Variants in HIVEP3 observed in about 807,000 individuals in gnomAD.
The protein encoded by HIVEP3 is HIVEP zinc finger 3.
Under a neutral mutation model 152.8 loss-of-function variants are expected in HIVEP3, and 49 were observed. The ratio of observed to expected loss-of-function variants is 0.32; its 90% CI spans 0.26 to 0.41. The LOEUF is 0.41. Ranked by LOEUF, HIVEP3 falls within the 10% of genes least tolerant of loss-of-function variation. The pLI, the probability that HIVEP3 is intolerant of heterozygous loss-of-function variation, is 1.00. For missense variants in HIVEP3, 2,790 were observed against 3,103.3 expected (o/e 0.90, Z 2.40); for synonymous variants, 1,269 against 1,289.0 (o/e 0.98, Z 0.33).
chr1:41,518,868 G>A (rs1314824993), intron 6 of HIVEP3, among the ~76,000 whole-genome samples: 2 of 148,552 alleles, frequency 1.3e-5, no homozygotes, highest in African/African-American at 2.5e-5. Flanking sequence ...AGTAGCTGGT[G>A]ACACTCATCA....
rs907140195 is a variant in HIVEP3, at chr1:41,580,389, A to G, written c.4409T>C (p.Val1470Ala). The change falls in exon 4 of 9, where the codon GTG (valine) becomes GCG (alanine). Residue 1470 changes from valine (V) to alanine (A), a missense_variant. Physicochemically the swap from Val to Ala is moderately conservative, Grantham distance 64. Transcript: ENST00000372583. ...CCCATCCTCGGTGCTGGTAAGGACCACACTGCATGGTTTTACCAGCTCAAG... is the reference window on the plus strand; with the variant it reads ...CCCATCCTCGGTGCTGGTAAGGACCGCACTGCATGGTTTTACCAGCTCAAG... ...EKLELVKPCS[V>A]VLTSTEDGKR... 6 of 1,614,068 alleles carry G rather than the reference A, an allele frequency of 3.7e-6. No homozygotes were observed. In the African/African-American group the frequency reaches 8.0e-5, roughly 22 times the overall value.
chr1:41,702,392 C>T (rs556897381), intron 1 of HIVEP3, among the ~76,000 whole-genome samples: 1 of 152,132 alleles, frequency 6.6e-6, no homozygotes, highest in Non-Finnish European at 1.5e-5. Context: ...TTATTTGTAT[C>T]CACATTTTCT....
intron 1 of HIVEP3, among the ~76,000 whole-genome samples, chr1:41,774,004 C>T (rs1211709719): frequency 6.6e-6 from 1 of 152,228 alleles, no homozygotes; most frequent in Non-Finnish European, 1.5e-5. Context: ...TGCCCATTGT[C>T]ATGTGACCTG....
At chr1:41,870,982 G>A (rs1275959761) in intron 1 of HIVEP3, among the ~76,000 whole-genome samples, 2 of 152,304 alleles carry the variant, frequency 1.3e-5, no homozygotes, top group East Asian at 3.9e-4. Context: ...ATTACGACAC[G>A]TGAACTGCTT....
chr1:41,755,851 T>G (rs1558241694), intron 1 of HIVEP3, among the ~76,000 whole-genome samples: 1 of 152,192 alleles, frequency 6.6e-6, no homozygotes. Context: ...GCGGAGAAAT[T>G]GCATCCCTTG....
intron 1 of HIVEP3, among the ~76,000 whole-genome samples, chr1:41,706,120 T>C (rs1456609674): frequency 6.6e-6 from 1 of 152,152 alleles, no homozygotes; most frequent in African/African-American, 2.4e-5. Flanking sequence ...ATGGGTATAT[T>C]TTGTGATGCT....
At chr1:41,607,668 G>T (rs1489254857) in intron 3 of HIVEP3, among the ~76,000 whole-genome samples, 1 of 150,954 alleles carries the variant, frequency 6.6e-6, no homozygotes, top group Non-Finnish European at 1.5e-5. Flanking sequence ...GGTGATTTTG[G>T]TTATCCAATA....
At chr1:41,908,652 A>G (rs1387573402) in intron 1 of HIVEP3, among the ~76,000 whole-genome samples, 1 of 152,214 alleles carries the variant, frequency 6.6e-6, no homozygotes, top group Non-Finnish European at 1.5e-5. Flanking sequence ...TAGTGGATTC[A>G]ATATATAGCC....
chr1:41,646,190 C>T (rs1444865682), intron 2 of HIVEP3, among the ~76,000 whole-genome samples: 1 of 152,172 alleles, frequency 6.6e-6, no homozygotes, highest in African/African-American at 2.4e-5. Context: ...AGTACTTCCC[C>T]AGGAGAGCAG....
intron 1 of HIVEP3, among the ~76,000 whole-genome samples, chr1:41,866,485 G>A (rs1257653261): frequency 2.6e-5 from 4 of 152,238 alleles, no homozygotes; most frequent in South Asian, 4.1e-4. Flanking sequence ...TCTAGGGCAG[G>A]CTGCTTGCCA....
At chr1:41,555,380 G>A (rs1446345242) in intron 5 of HIVEP3, among the ~76,000 whole-genome samples, 2 of 152,212 alleles carry the variant, frequency 1.3e-5, no homozygotes, top group Non-Finnish European at 1.5e-5. Context: ...GCAGTGTTCC[G>A]ATTTTCCACG....
In HIVEP3 at chr1:41,951,637, C is replaced by A. The variant is rs180853800; in HGVS notation, n.120-33113G>T. ...ATCAAGAAAAGAGTTTCAATTGACT[C>A]GCAGTTCCACGTGGCTGGGGAGGCC... is the stretch of plus-strand genomic sequence containing the variant. On this transcript the variant is annotated intron_variant and non_coding_transcript_variant, in intron 1 of 3. Transcript: ENST00000489103. Among the ~76,000 whole-genome samples, 23 of 152,308 alleles carry A rather than the reference C, an allele frequency of 1.5e-4. No homozygotes were observed. The East Asian group carries it at 4.2e-3, about 28-fold the overall frequency.
intron 7 of HIVEP3, among the ~76,000 whole-genome samples, chr1:41,514,135 AAAG>A (rs1642533386): frequency 6.6e-6 from 1 of 151,436 alleles, no homozygotes; most frequent in African/African-American, 2.5e-5. Context: ...GAGCCATAGC[AAAG>A]AAGACAGTCT....
intron 2 of HIVEP3, among the ~76,000 whole-genome samples, chr1:41,671,374 G>A (rs1645872857): frequency 6.6e-6 from 1 of 152,234 alleles, no homozygotes; most frequent in Admixed American, 6.5e-5. Context: ...CCGTCCCAGA[G>A]ATGCAGCTCT....
chr1:42,006,097 T>C (rs112868139), intron 1 of HIVEP3, among the ~76,000 whole-genome samples: 6 of 152,336 alleles, frequency 3.9e-5, no homozygotes, highest in African/African-American at 7.2e-5. Context: ...CATTGCTAGA[T>C]GTTTTCATGC....
rs751412083 is a variant in HIVEP3, at chr1:41,513,169, C to T, written c.6052G>A (p.Gly2018Arg). The change falls in exon 8 of 9, where the codon GGA (glycine) becomes AGA (arginine). Residue 2018 changes from glycine to arginine, a missense_variant. This residue lies in a region of HIVEP3 where 816 missense variants were observed against 806.5 expected (regional missense o/e 1.01). Transcript: ENST00000372583. ...CAAGGGAGAGCGCCCATGCCCCTTC[C>T]TGGGTCCACGTGCAGGCCAGGTGGG... Reference protein sequence around the residue: ...PSPPGLHVDPGRGMGALPCGS... With the variant: ...PSPPGLHVDPRRGMGALPCGS... 1 of 1,613,912 alleles carries T rather than the reference C, an allele frequency of 6.2e-7. No individual in the cohort carries two copies. The highest frequency in any genetic ancestry group is 8.5e-7 in the Non-Finnish European group (1 of 1,180,004).
chr1:41,843,477 G>C (rs115439793), intron 1 of HIVEP3, among the ~76,000 whole-genome samples: 1 of 151,892 alleles, frequency 6.6e-6, no homozygotes, highest in Non-Finnish European at 1.5e-5. Flanking sequence ...TAGGGAACAC[G>C]CCATCCTCCC....
intron 2 of HIVEP3, among the ~76,000 whole-genome samples, chr1:41,695,869 T>C (rs910042262): frequency 1.3e-5 from 2 of 152,222 alleles, no homozygotes; most frequent in African/African-American, 4.8e-5. Flanking sequence ...TCACAGCAGA[T>C]GGCTATGGGC....
intron 3 of HIVEP3, among the ~76,000 whole-genome samples, chr1:41,613,766 T>A (rs1036601264): frequency 3.3e-5 from 5 of 152,204 alleles, no homozygotes; most frequent in African/African-American, 9.6e-5. Flanking sequence ...CCAGAACACA[T>A]GTATCACTCT....
Sources: gnomAD v4.1 joint callset for allele counts (sites outside exome capture counted in the v4.1 genomes callset) on GRCh38, gnomAD v4.1.1 for gene constraint, gnomAD v4.1.1 regional missense constraint, MANE v1.5 for transcripts, NCBI Gene and HGNC (gene_info 2026-07-23, HGNC 2026-07-21) for gene names.